The following HUNK variants were observed in gnomAD, a reference collection of about 807,000 sequenced individuals.
HUNK encodes the protein hormonally up-regulated Neu-associated kinase.
HUNK carries 21 observed loss-of-function variants against 61.0 expected under a neutral mutation model. That is an observed-to-expected ratio of 0.34 (90% CI 0.24 to 0.50). The LOEUF (loss-of-function observed/expected upper bound fraction) is 0.50. Ranked by LOEUF, HUNK falls within the 20% of genes least tolerant of loss-of-function variation. The pLI is 0.98. For missense variants in HUNK, 772 were observed against 945.7 expected (o/e 0.82, Z 2.41); for synonymous variants, 371 against 386.1 (o/e 0.96, Z 0.46).
intron 6 of HUNK, among the ~76,000 whole-genome samples, chr21:31,973,535 C>G (rs1355640592): frequency 1.3e-5 from 2 of 152,156 alleles, no homozygotes; most frequent in African/African-American, 4.8e-5. Context: ...AGCCCTCCCC[C>G]TGATTTCTCA....
At chr21:31,971,242 T>C (rs1292170237) in intron 6 of HUNK, among the ~76,000 whole-genome samples, 1 of 151,928 alleles carries the variant, frequency 6.6e-6, no homozygotes, top group African/African-American at 2.4e-5. Flanking sequence ...CGGCTAGTTT[T>C]TGTATTTTTA....
intron 1 of HUNK, among the ~76,000 whole-genome samples, chr21:31,918,022 G>A (rs1371413416): frequency 6.6e-6 from 1 of 152,208 alleles, no homozygotes; most frequent in East Asian, 1.9e-4. Flanking sequence ...TAGAGTCAGT[G>A]TTAGCTTTGT....
rs35023797 is a variant in HUNK, at chr21:31,914,408, CAAAAAAAAAA to C, written c.262-10040_262-10031del. ...GGGCAACAAGAGTGAAACTCTGTCT[CAAAAAAAAAA>C]AAAAAAAAAAAAAAAAAAAGACCCG... On this transcript the variant is annotated intron_variant, in intron 1 of 10. Coordinates refer to ENST00000270112, the MANE Select transcript of HUNK (RefSeq NM_014586.2). Among the ~76,000 whole-genome samples, 8 of 39,826 alleles carry C rather than the reference CAAAAAAAAAA, an allele frequency of 2.0e-4. 1 individual carries two copies. Among genetic ancestry groups the C allele is most frequent in the Admixed American group, 8.9e-4 (2 of 2,240 alleles). The allele number at this position is 39,826 out of a possible 152,430, so 26.1% of individuals were successfully genotyped here.
intron 1 of HUNK, among the ~76,000 whole-genome samples, chr21:31,886,136 A>T (rs78925520): frequency 6.6e-6 from 1 of 152,142 alleles, no homozygotes; most frequent in Non-Finnish European, 1.5e-5. Flanking sequence ...CCTCATATTC[A>T]GGGGGCTAGG....
chr21:31,921,808 T>C (rs1287261148), intron 1 of HUNK, among the ~76,000 whole-genome samples: 1 of 152,172 alleles, frequency 6.6e-6, no homozygotes, highest in Non-Finnish European at 1.5e-5. Flanking sequence ...CTTTTTCCCT[T>C]TTTTGTTTTC....
At chr21:31,906,793 G>C (rs1379816832) in intron 1 of HUNK, among the ~76,000 whole-genome samples, 41 of 152,180 alleles carry the variant, frequency 2.7e-4, no homozygotes, top group Admixed American at 2.7e-3. Context: ...GGCTCAGAGG[G>C]TGTGTGGTTT....
At chr21:31,965,443 C>T (rs971247938) in intron 5 of HUNK, among the ~76,000 whole-genome samples, 8 of 151,796 alleles carry the variant, frequency 5.3e-5, no homozygotes, top group Non-Finnish European at 1.0e-4. Flanking sequence ...CATGTACCCC[C>T]GAACCTAAAG....
Position 31,999,357 on chromosome 21 carries a change from G to C in HUNK, c.*173G>C, listed in dbSNP as rs1478281278. 3.4e-6 allele frequency: 2 copies of C among 588,482 alleles called. No individual in the cohort carries two copies. Among genetic ancestry groups the C allele is most frequent in the South Asian group, 2.7e-5 (1 of 36,480 alleles). The allele number at this position is 588,482 out of a possible 1,614,324, so 36.5% of individuals were successfully genotyped here. A position where few individuals can be genotyped will look rare whatever the true frequency, so the allele number is the denominator to read the frequency against. On this transcript the variant is annotated 3_prime_UTR_variant, in exon 11 of 11. Transcript: ENST00000270112. ...ACCCAACCTCGCTTAGGGACCCCCA[G>C]AGATGCTGGAATCGCTAGGAGGGTT...
chr21:31,924,496 G>C lies in HUNK; in HGVS notation c.290G>C (p.Arg97Thr). 6.2e-7 allele frequency: 1 copy of C among 1,613,936 alleles called. No individual in the cohort carries two copies. Residue 97 changes from arginine to threonine, a missense_variant, in exon 2 of 11, where the codon AGA becomes ACA. Coordinates refer to ENST00000270112, the MANE Select transcript of HUNK (RefSeq NM_014586.2). The surrounding 1 kb of genome is among the most constrained non-coding windows in gnomAD (Gnocchi z 5.1). ...KVAIKVIDKKRAKKDTYVTKN... is the reference protein window; with the variant it reads ...KVAIKVIDKKTAKKDTYVTKN... The stretch of plus-strand genomic sequence containing the variant: ...GCCATAAAAGTCATTGATAAGAAGA[G>C]AGCCAAAAAGGACACCTATGTCACC...
At chr21:31,993,557 T>G (rs2053184935) in intron 9 of HUNK, among the ~76,000 whole-genome samples, 1 of 152,232 alleles carries the variant, frequency 6.6e-6, no homozygotes, top group South Asian at 2.1e-4. Context: ...CTGGTGACTT[T>G]AGCATAAAAG....
intron 1 of HUNK, among the ~76,000 whole-genome samples, chr21:31,917,174 C>T (rs2052588798): frequency 6.6e-6 from 1 of 151,860 alleles, no homozygotes; most frequent in African/African-American, 2.4e-5. Context: ...GTGGAGTTAC[C>T]GTGTTGTGAG....
intron 1 of HUNK, among the ~76,000 whole-genome samples, chr21:31,915,938 TC>T (rs2052578339): frequency 6.6e-6 from 1 of 152,038 alleles, no homozygotes; most frequent in African/African-American, 2.4e-5. Context: ...GAATGCTTAT[TC>T]ACCCTCTCTA....
intron 7 of HUNK, among the ~76,000 whole-genome samples, chr21:31,979,693 T>A (rs951541754): frequency 1.3e-5 from 2 of 151,582 alleles, no homozygotes; most frequent in Non-Finnish European, 2.9e-5. Flanking sequence ...TTTTTTGTAT[T>A]TTTAGTAGAG....
chr21:31,958,633 G>A (rs1906326453), intron 4 of HUNK, among the ~76,000 whole-genome samples: 1 of 152,084 alleles, frequency 6.6e-6, no homozygotes, highest in Admixed American at 6.5e-5. Flanking sequence ...ACCTCCCAAA[G>A]TGCTGGGATT....
At chr21:31,963,142 A>G (rs908012547) in intron 5 of HUNK, among the ~76,000 whole-genome samples, 2 of 152,226 alleles carry the variant, frequency 1.3e-5, no homozygotes, top group Non-Finnish European at 2.9e-5. Flanking sequence ...CTAGTTTACC[A>G]GTAACATGAG....
chr21:31,899,773 G>A (rs1258551930), intron 1 of HUNK, among the ~76,000 whole-genome samples: 1 of 150,848 alleles, frequency 6.6e-6, no homozygotes, highest in Non-Finnish European at 1.5e-5. Flanking sequence ...TACACCTCTG[G>A]CTGCTGTGTG....
chr21:31,889,622 G>A (rs2052372303), intron 1 of HUNK, among the ~76,000 whole-genome samples: 1 of 152,186 alleles, frequency 6.6e-6, no homozygotes, highest in Non-Finnish European at 1.5e-5. Context: ...TTCCCATAGG[G>A]TGACATTTTA....
chr21:31,887,576 G>A (rs963940745), intron 1 of HUNK, among the ~76,000 whole-genome samples: 1 of 128,220 alleles, frequency 7.8e-6, no homozygotes, highest in Non-Finnish European at 1.6e-5. Context: ...AGGCTTTTTG[G>A]TAAGTCGTCA....
intron 4 of HUNK, among the ~76,000 whole-genome samples, chr21:31,956,996 C>T (rs2052893978): frequency 1.3e-5 from 2 of 152,158 alleles, no homozygotes; most frequent in South Asian, 4.2e-4. Flanking sequence ...TCCATACAAC[C>T]AGCCAGCCAA....
Sources: allele counts gnomAD v4.1 joint callset (sites outside exome capture counted in the v4.1 genomes callset), GRCh38; gene constraint gnomAD v4.1.1; non-coding constraint Gnocchi (gnomAD v3.1); transcripts MANE v1.5; gene names NCBI Gene and HGNC (gene_info 2026-07-23, HGNC 2026-07-21).